LARS2: variants seen among roughly 807,000 people sequenced by gnomAD.
LARS2 encodes the protein leucyl-tRNA synthetase 2, mitochondrial, also known as leucine--tRNA ligase, mitochondrial.
Under a neutral mutation model 116.6 loss-of-function variants are expected in LARS2, and 81 were observed. The ratio of observed to expected loss-of-function variants is 0.69; its 90% CI spans 0.58 to 0.84. The LOEUF (loss-of-function observed/expected upper bound fraction) is 0.84, where lower values mean the gene tolerates loss of function less well. Ranked by LOEUF, LARS2 falls within the 40% of genes least tolerant of loss-of-function variation. The pLI is 0.00. For synonymous variants in LARS2, 396 were observed against 407.2 expected (o/e 0.97, Z 0.33); for missense variants, 968 against 1,114.5 (o/e 0.87, Z 1.87).
intron 9 of LARS2, 45 bp from the exon 10 acceptor site, chr3:45,476,423 A>G: frequency 6.2e-7 from 1 of 1,607,288 alleles, no homozygotes; most frequent in Non-Finnish European, 8.5e-7. Flanking sequence ...ACACAGCCCA[A>G]AGGGAGGACT....
chr3:45,544,777 G>A (rs969155777), intron 21 of LARS2, among the ~76,000 whole-genome samples: 4 of 152,166 alleles, frequency 2.6e-5, no homozygotes, highest in South Asian at 2.1e-4. Flanking sequence ...CAGAAAATAC[G>A]TTATGAGGAA....
At chr3:45,428,502 C>T (rs1035205937) in intron 6 of LARS2, among the ~76,000 whole-genome samples, 21 of 152,240 alleles carry the variant, frequency 1.4e-4, no homozygotes, top group African/African-American at 4.8e-4. Context: ...GCCTCAGCCT[C>T]CCAAAGTGCT....
At chr3:45,417,064 A>T (rs75321333) in intron 4 of LARS2, among the ~76,000 whole-genome samples, 1,702 of 133,946 alleles carry the variant, frequency 0.013, 37 homozygotes, top group African/African-American at 0.041. Flanking sequence ...AAAGTGCAAG[A>T]CTCTGTCTCA....
At chr3:45,469,705 G>A (rs370808535) in intron 8 of LARS2, among the ~76,000 whole-genome samples, 1 of 151,990 alleles carries the variant, frequency 6.6e-6, no homozygotes, top group African/African-American at 2.4e-5. Flanking sequence ...ACTAGAGTGC[G>A]AGAGAAAGGT....
At chr3:45,495,022 C>T (rs552641077) in intron 13 of LARS2, among the ~76,000 whole-genome samples, 19 of 152,126 alleles carry the variant, frequency 1.2e-4, no homozygotes, top group Non-Finnish European at 2.9e-5. Context: ...GAGCTGAGAT[C>T]GAGCCACTGC....
chr3:45,426,895 T>C (rs931068172), intron 6 of LARS2, among the ~76,000 whole-genome samples: 1 of 152,206 alleles, frequency 6.6e-6, no homozygotes, highest in African/African-American at 2.4e-5. Context: ...CTCTGGCTAA[T>C]AGAATAGAAT....
chr3:45,498,673 A>G lies in LARS2; in HGVS notation c.1623-1769A>G, dbSNP rs1043235521. Among the ~76,000 whole-genome samples the G allele has an allele frequency of 7.9e-5, 12 of 152,308 alleles. No individual in the cohort carries two copies. In the Middle Eastern group the frequency reaches 0.01, roughly 130 times the overall value. The stretch of plus-strand genomic sequence containing the variant: ...AATTCACAAATATTCGAAGTCCTCC[A>G]AAGGCAAAGGTTTGCTTGATTGGCT... On this transcript the variant is annotated intron_variant, in intron 14 of 21. Transcript: ENST00000645846.
chr3:45,455,834 C>T (rs1699204788), intron 7 of LARS2, among the ~76,000 whole-genome samples: 1 of 152,036 alleles, frequency 6.6e-6, no homozygotes, highest in Non-Finnish European at 1.5e-5. Flanking sequence ...AAAATTCTGT[C>T]ATTTGGGAAT....
intron 14 of LARS2, among the ~76,000 whole-genome samples, chr3:45,500,222 G>C (rs1160229000): frequency 6.6e-6 from 1 of 152,156 alleles, no homozygotes; most frequent in African/African-American, 2.4e-5. Context: ...GGCTGGTCTC[G>C]AACTCCTGAC....
rs1180010440 is a variant in LARS2, at chr3:45,484,620, A to ATATATATATAT, written c.1019-1072_1019-1071insTATATATATAT. Among the ~76,000 whole-genome samples, 32 of 14,004 alleles carry ATATATATATAT rather than the reference A, an allele frequency of 2.3e-3. 2 individuals carry two copies. The highest frequency in any genetic ancestry group is 6.3e-3 in the South Asian group (1 of 158). 9.2% of individuals were successfully genotyped at this position (14,004 alleles called of 152,430 possible). On this transcript the variant is annotated intron_variant, in intron 10 of 21. Coordinates refer to ENST00000645846, the MANE Select transcript of LARS2 (RefSeq NM_015340.4). ...TGTCTCTACAAAAAAAAAAAAAAAA[A>ATATATATATAT]AAAAAAAAAAATATATATATATATA... is the stretch of plus-strand genomic sequence containing the variant.
chr3:45,438,260 G>A (rs1411750212), intron 6 of LARS2, among the ~76,000 whole-genome samples: 3 of 152,178 alleles, frequency 2.0e-5, no homozygotes, highest in Non-Finnish European at 2.9e-5. Context: ...CTTGATTACC[G>A]GCACCTCCTT....
intron 6 of LARS2, among the ~76,000 whole-genome samples, chr3:45,424,165 T>C (rs1000098971): frequency 6.6e-6 from 1 of 152,232 alleles, no homozygotes; most frequent in Non-Finnish European, 1.5e-5. Flanking sequence ...TGTGTGTGTA[T>C]AGTAGTATAG....
At chr3:45,511,423 C>A (rs1474483651) in intron 15 of LARS2, among the ~76,000 whole-genome samples, 1 of 152,134 alleles carries the variant, frequency 6.6e-6, no homozygotes, top group Non-Finnish European at 1.5e-5. Flanking sequence ...AGTGAGGAGA[C>A]AGTGCCTAGA....
At chr3:45,442,956 T>G (rs553070811) in intron 6 of LARS2, among the ~76,000 whole-genome samples, 2 of 152,330 alleles carry the variant, frequency 1.3e-5, no homozygotes, top group Admixed American at 6.5e-5. Flanking sequence ...GTGATTATTT[T>G]GTTCTGGGGA....
intron 21 of LARS2, among the ~76,000 whole-genome samples, chr3:45,542,267 G>A (rs1700810636): frequency 6.6e-6 from 1 of 152,134 alleles, no homozygotes; most frequent in African/African-American, 2.4e-5. Context: ...ACTGTGGACC[G>A]TGTTTCAGTC....
chr3:45,427,600 G>A (rs1401087885), intron 6 of LARS2, among the ~76,000 whole-genome samples: 2 of 152,094 alleles, frequency 1.3e-5, no homozygotes, highest in African/African-American at 4.8e-5. Context: ...TCCTTTTACT[G>A]TGAAATACTA....
At chr3:45,416,813 G>A (rs1318696474) in intron 4 of LARS2, among the ~76,000 whole-genome samples, 1 of 152,114 alleles carries the variant, frequency 6.6e-6, no homozygotes, top group Non-Finnish European at 1.5e-5. Flanking sequence ...AGTGGCTCAC[G>A]CCTGTAATCC....
At chr3:45,523,797 G>C (rs1026105587) in intron 19 of LARS2, among the ~76,000 whole-genome samples, 200 bp from the exon 20 acceptor site, 1 of 151,744 alleles carries the variant, frequency 6.6e-6, no homozygotes, top group African/African-American at 2.4e-5. Flanking sequence ...ATAAGTGTCA[G>C]CTACCACACC....
At chr3:45,543,465 T>TTTTA (rs1248001554) in intron 21 of LARS2, among the ~76,000 whole-genome samples, 2 of 139,446 alleles carry the variant, frequency 1.4e-5, no homozygotes, top group Non-Finnish European at 3.3e-5. Flanking sequence ...TTTTTTTTAT[T>TTTTA]TTTTTATTTT....
Sources: gnomAD v4.1 joint callset for allele counts (sites outside exome capture counted in the v4.1 genomes callset) on GRCh38, gnomAD v4.1.1 for gene constraint, MANE v1.5 for transcripts, NCBI Gene and HGNC (gene_info 2026-07-23, HGNC 2026-07-21) for gene names.